PALLD: variants seen among roughly 807,000 people sequenced by gnomAD.
PALLD encodes palladin.
In PALLD, 61 loss-of-function variants were observed where a neutral mutation model predicts 123.5. The ratio of observed to expected loss-of-function variants is 0.49; its 90% CI spans 0.40 to 0.61. The LOEUF (loss-of-function observed/expected upper bound fraction) is 0.61. Ranked by LOEUF, PALLD falls within the 20% of genes least tolerant of loss-of-function variation. The pLI, the probability that PALLD is intolerant of heterozygous loss-of-function variation, is 0.00. For missense variants in PALLD, 1,273 were observed against 1,377.0 expected (o/e 0.92, Z 1.20); for synonymous variants, 465 against 496.4 (o/e 0.94, Z 0.84).
Position 168,709,029 on chromosome 4 carries a change from G to A in PALLD, c.1503G>A (p.Glu501=). The change falls in exon 9 of 22, where the codon GAG becomes GAA. Residue 501 remains glutamate, a splice_region_variant and synonymous_variant. Coordinates refer to ENST00000505667, the MANE Select transcript of PALLD (RefSeq NM_001166108.2). ...QKKPRSTAEP[E]EICTLVIAET... is the part of the protein sequence containing the mutation. The stretch of plus-strand genomic sequence containing the variant: ...TGATTCTGTTCTCTTCACTTCCAGA[G>A]GAGATTTGCACCCTAGTTATCGCTG... 2 of 1,613,590 alleles carry A rather than the reference G, an allele frequency of 1.2e-6. No homozygotes were observed. Among genetic ancestry groups the A allele is most frequent in the Non-Finnish European group, 1.7e-6 (2 of 1,179,556 alleles).
chr4:168,771,708 C>T (rs1734476910), intron 10 of PALLD, among the ~76,000 whole-genome samples: 1 of 152,162 alleles, frequency 6.6e-6, no homozygotes, highest in Admixed American at 6.5e-5. Context: ...CAAACACACC[C>T]AGCTCTTTAC....
intron 10 of PALLD, among the ~76,000 whole-genome samples, chr4:168,749,338 A>G (rs1428391084): frequency 1.3e-5 from 2 of 152,116 alleles, no homozygotes; most frequent in Admixed American, 6.5e-5. Flanking sequence ...AGTCCTTTAT[A>G]GAAACACAAG....
At chr4:168,712,395 A>C (rs1317795771) in intron 10 of PALLD, 4 of 218,110 alleles carry the variant, frequency 1.8e-5, no homozygotes, top group Non-Finnish European at 3.8e-5. Flanking sequence ...AGATCCTGGC[A>C]GGGCAATGAA....
chr4:168,723,174 A>T (rs1786195263), intron 10 of PALLD, among the ~76,000 whole-genome samples: 1 of 152,208 alleles, frequency 6.6e-6, no homozygotes, highest in Non-Finnish European at 1.5e-5. Context: ...ATGGTGGCCA[A>T]CAGTGATGGC....
Position 168,690,667 on chromosome 4 carries a change from C to T in PALLD, c.1400C>T (p.Ala467Val), listed in dbSNP as rs1316768646. 4.3e-6 allele frequency: 7 copies of T among 1,614,090 alleles called. No homozygotes were observed. Among genetic ancestry groups the T allele is most frequent in the Non-Finnish European group, 5.9e-6 (7 of 1,179,964 alleles). Residue 467 changes from alanine to valine, a missense_variant, in exon 7 of 22, where the codon GCA (alanine) becomes GTA (valine). Coordinates refer to ENST00000505667, the MANE Select transcript of PALLD (RefSeq NM_001166108.2). ...GTTCTGGAGTGCCGGGTCCGTGGGG[C>T]ACCCCCTCTGCAGGTCCAGTGGTTT... ...VVVLECRVRG[A>V]PPLQVQWFRQ...
intron 2 of PALLD, among the ~76,000 whole-genome samples, chr4:168,542,710 A>T (rs1765741987): frequency 9.0e-6 from 1 of 111,632 alleles, no homozygotes; most frequent in South Asian, 2.9e-4. Context: ...CTCCCAGCTA[A>T]CCTTTCCATA....
intron 12 of PALLD, among the ~76,000 whole-genome samples, chr4:168,894,997 C>T (rs10009390): frequency 0.84 from 128,079 of 152,082 alleles, 54,109 homozygotes; most frequent in East Asian, 1. Flanking sequence ...ACATTTTCGC[C>T]GACATTGTCT....
At chr4:168,791,092 G>A (rs1467389028) in intron 10 of PALLD, among the ~76,000 whole-genome samples, 1 of 152,148 alleles carries the variant, frequency 6.6e-6, no homozygotes, top group Non-Finnish European at 1.5e-5. Flanking sequence ...GATGCCCAAA[G>A]CAGTCTACAC....
intron 1 of PALLD, among the ~76,000 whole-genome samples, chr4:168,509,953 T>C (rs576708639): frequency 5.9e-5 from 9 of 152,190 alleles, no homozygotes; most frequent in Non-Finnish European, 1.3e-4. Flanking sequence ...AATTAGAGAT[T>C]TTCTTAGATG....
chr4:168,590,865 T>C (rs887495231), intron 2 of PALLD, among the ~76,000 whole-genome samples: 1 of 1,320 alleles, frequency 7.6e-4, no homozygotes, highest in African/African-American at 4.8e-3. Flanking sequence ...ACCTAGAAAG[T>C]TTTTTTTTTT....
intron 10 of PALLD, among the ~76,000 whole-genome samples, chr4:168,776,883 GT>G (rs1379636671): frequency 6.6e-6 from 1 of 152,050 alleles, no homozygotes; most frequent in Non-Finnish European, 1.5e-5. Context: ...ATCATATTTA[GT>G]TTTTTTATGT....
rs532742973 is a variant in PALLD at position 168,869,365 on chromosome 4, C to G, written c.1965-21557C>G. On this transcript the variant is annotated intron_variant, in intron 10 of 21. Coordinates refer to ENST00000505667, the MANE Select transcript of PALLD (RefSeq NM_001166108.2). This position sits in a 1 kb window ranked among gnomAD's most constrained non-coding sequence, Gnocchi z 4.5. ...TGCCAAACTGACAGTGCCATGCCAG[C>G]CTTGTGGGCTGGAGTAGTATGGAGG... Among the ~76,000 whole-genome samples the G allele has an allele frequency of 6.6e-6, 1 of 152,060 alleles. No homozygotes were observed. Among genetic ancestry groups the G allele is most frequent in the Admixed American group, 6.5e-5 (1 of 15,268 alleles).
At chr4:168,691,213 A>G in intron 7 of PALLD, 56 bp from the exon 8 acceptor site, 2 of 1,310,006 alleles carry the variant, frequency 1.5e-6, no homozygotes, top group South Asian at 2.4e-5. Flanking sequence ...TTTTTAATTA[A>G]ATGGAACCCC....
chr4:168,730,652 A>G (rs1787075643), intron 10 of PALLD, among the ~76,000 whole-genome samples: 1 of 152,118 alleles, frequency 6.6e-6, no homozygotes, highest in African/African-American at 2.4e-5. Context: ...AAGACCCCCA[A>G]GTGCCAATAT....
intron 2 of PALLD, among the ~76,000 whole-genome samples, chr4:168,538,727 A>G (rs1036348794): frequency 5.3e-5 from 8 of 152,336 alleles, no homozygotes; most frequent in African/African-American, 1.7e-4. Context: ...CTAAAGTCCC[A>G]GGTTCCATCT....
At chr4:168,711,560 C>T in intron 9 of PALLD, 21 bp from the exon 10 acceptor site, 1 of 1,540,942 alleles carries the variant, frequency 6.5e-7, no homozygotes, top group Non-Finnish European at 9.0e-7. Flanking sequence ...TTATGTTTTT[C>T]CTCTCTTTCC....
chr4:168,719,802 C>A (rs1336374006), intron 10 of PALLD, among the ~76,000 whole-genome samples: 2 of 152,140 alleles, frequency 1.3e-5, no homozygotes, highest in Non-Finnish European at 2.9e-5. Flanking sequence ...TGTTGTTAAG[C>A]TGTCACTTCT....
chr4:168,551,975 C>T (rs948495458), intron 2 of PALLD, among the ~76,000 whole-genome samples: 1 of 152,104 alleles, frequency 6.6e-6, no homozygotes, highest in Non-Finnish European at 1.5e-5. Context: ...AGGAAGCTCC[C>T]GTGAGTCTTT....
At chr4:168,823,415 C>T (rs1001270766) in intron 10 of PALLD, among the ~76,000 whole-genome samples, 4 of 152,136 alleles carry the variant, frequency 2.6e-5, no homozygotes, top group African/African-American at 9.7e-5. Context: ...GTAGTTCACG[C>T]CTAGAGTCCC....
Sources: allele counts gnomAD v4.1 joint callset (sites outside exome capture counted in the v4.1 genomes callset), GRCh38; gene constraint gnomAD v4.1.1; non-coding constraint Gnocchi (gnomAD v3.1); transcripts MANE v1.5; gene names NCBI Gene and HGNC (gene_info 2026-07-23, HGNC 2026-07-21).